The following PHACTR4 variants were observed in gnomAD, a reference collection of about 807,000 sequenced individuals.
PHACTR4 encodes phosphatase and actin regulator 4.
A neutral mutation model predicts 72.7 loss-of-function variants in PHACTR4; 51 were observed. That is an observed-to-expected ratio of 0.70 (90% CI 0.56 to 0.89). The LOEUF is 0.89. Ranked by LOEUF, PHACTR4 falls within the 40% of genes least tolerant of loss-of-function variation. PHACTR4 has a pLI of 0.00. For missense variants in PHACTR4, 731 were observed against 861.8 expected (o/e 0.85, Z 1.90); for synonymous variants, 255 against 302.5 (o/e 0.84, Z 1.63).
chr1:28,457,976 C>A (rs1380821483), intron 2 of PHACTR4: 2 of 529,258 alleles, frequency 3.8e-6, no homozygotes, highest in African/African-American at 2.1e-5. Flanking sequence ...CCTTTCTCTG[C>A]CATTAAAACT....
chr1:28,380,051 C>CTTTT (rs1227241664), intron 1 of PHACTR4, among the ~76,000 whole-genome samples: 12 of 117,318 alleles, frequency 1.0e-4, no homozygotes, highest in African/African-American at 2.3e-4. Context: ...TTAAATGTAA[C>CTTTT]TTTTTTTTTT....
intron 2 of PHACTR4, among the ~76,000 whole-genome samples, chr1:28,452,177 G>A (rs1294643173): frequency 6.6e-6 from 1 of 151,976 alleles, no homozygotes; most frequent in Non-Finnish European, 1.5e-5. Flanking sequence ...TGTATTGACA[G>A]ATTGTTTGGA....
intron 13 of PHACTR4, among the ~76,000 whole-genome samples, chr1:28,494,851 G>A (rs1453176098): frequency 6.6e-6 from 1 of 152,180 alleles, no homozygotes; most frequent in African/African-American, 2.4e-5. Flanking sequence ...CAGTTCATAA[G>A]CAGGAAATTC....
At chr1:28,478,469 G>A (rs1660061351) in intron 8 of PHACTR4, among the ~76,000 whole-genome samples, 1 of 151,966 alleles carries the variant, frequency 6.6e-6, no homozygotes, top group Non-Finnish European at 1.5e-5. Context: ...GGCTCACTCT[G>A]TCACCAGGCA....
intron 2 of PHACTR4, among the ~76,000 whole-genome samples, chr1:28,412,319 A>G (rs11247811): frequency 0.28 from 42,782 of 152,040 alleles, 6,182 homozygotes; most frequent in Middle Eastern, 0.34. Flanking sequence ...ATAGTATTCC[A>G]TGAAGAAAAC....
chr1:28,378,580 CT>C (rs1553181674), intron 1 of PHACTR4, among the ~76,000 whole-genome samples: 48 of 63,582 alleles, frequency 7.5e-4, no homozygotes, highest in South Asian at 1.9e-3. Context: ...CCCCCCCCCC[CT>C]TTTTTTTTAA....
chr1:28,435,744 G>A (rs1348408689), intron 2 of PHACTR4, among the ~76,000 whole-genome samples: 4 of 152,154 alleles, frequency 2.6e-5, no homozygotes, highest in African/African-American at 7.2e-5. Flanking sequence ...GATGATGATG[G>A]TGATAACGAT....
rs774648598 is a variant in PHACTR4 at position 28,459,169 on chromosome 1, A to G, written c.101A>G (p.Lys34Arg). 1.2e-5 allele frequency: 19 copies of G among 1,614,052 alleles called. No homozygotes were observed. The South Asian group carries it at 2.0e-4, about 17-fold the overall frequency. Residue 34 changes from lysine to arginine, a missense_variant, in exon 3 of 14, where the codon AAG (lysine) becomes AGG (arginine). Lys to Arg is a conservative substitution (Grantham distance 26). This residue lies in a region of PHACTR4 where 621 missense variants were observed against 676.6 expected (regional missense o/e 0.92). Coordinates refer to ENST00000373839, the MANE Select transcript of PHACTR4 (RefSeq NM_001048183.3). The stretch of plus-strand genomic sequence containing the variant: ...GACACAACACCTCCTACCAAAAGGA[A>G]GAGCAAGTTCTCAGGCTTTGGCAAG... ...AGDTTPPTKR[K>R]SKFSGFGKIF...
chr1:28,416,742 G>A (rs945155738), intron 2 of PHACTR4, among the ~76,000 whole-genome samples: 1 of 152,198 alleles, frequency 6.6e-6, no homozygotes, highest in African/African-American at 2.4e-5. Flanking sequence ...CTGGACAGAC[G>A]ATGATATATG....
intron 9 of PHACTR4, among the ~76,000 whole-genome samples, chr1:28,481,739 G>A (rs1485651993): frequency 6.6e-6 from 1 of 150,702 alleles, no homozygotes; most frequent in East Asian, 2.0e-4. Flanking sequence ...GCAGTGAGCT[G>A]AGATCGCGCC....
At chr1:28,376,489 CTT>C (rs200449212) in intron 1 of PHACTR4, among the ~76,000 whole-genome samples, 55,444 of 143,370 alleles carry the variant, frequency 0.39, 12,069 homozygotes, top group African/African-American at 0.6. Context: ...CTAATTTTTT[CTT>C]TTTTTTTTTT....
At chr1:28,455,162 A>G (rs1277573942) in intron 2 of PHACTR4, among the ~76,000 whole-genome samples, 3 of 135,190 alleles carry the variant, frequency 2.2e-5, no homozygotes, top group Non-Finnish European at 3.1e-5. Context: ...GAGCCACCGC[A>G]TCTGGCCTCA....
intron 9 of PHACTR4, 133 bp from the exon 10 acceptor site, chr1:28,489,037 G>C: frequency 1.7e-6 from 1 of 572,616 alleles, no homozygotes; most frequent in East Asian, 3.0e-5. Context: ...ATAAATAAAT[G>C]AAATATATCA....
chr1:28,380,082 A>G (rs1569746529), intron 1 of PHACTR4, among the ~76,000 whole-genome samples: 2 of 86,670 alleles, frequency 2.3e-5, no homozygotes, highest in Admixed American at 1.7e-4. Flanking sequence ...TTTGAGACGG[A>G]GTCTCGCTCT....
chr1:28,416,366 C>T (rs774786667), intron 2 of PHACTR4, among the ~76,000 whole-genome samples: 1 of 152,176 alleles, frequency 6.6e-6, no homozygotes, highest in Non-Finnish European at 1.5e-5. Context: ...AGTAAACACA[C>T]AATACATATC....
intron 2 of PHACTR4, chr1:28,453,619 G>A: frequency 8.1e-7 from 1 of 1,232,308 alleles, no homozygotes; most frequent in Non-Finnish European, 1.2e-6. Context: ...ACAGTGAGGT[G>A]AAACAAATAG....
chr1:28,458,726 C>T (rs1658586767), intron 2 of PHACTR4, among the ~76,000 whole-genome samples: 1 of 152,196 alleles, frequency 6.6e-6, no homozygotes, highest in Non-Finnish European at 1.5e-5. Context: ...GATTCACTCA[C>T]TAATGAGGCA....
At chr1:28,476,040 C>T (rs147890481) in intron 7 of PHACTR4, 67 bp from the exon 8 acceptor site, 1 of 1,462,696 alleles carries the variant, frequency 6.8e-7, no homozygotes, top group African/African-American at 1.4e-5. Flanking sequence ...TATTTCAGTC[C>T]TTTGTCTTAA....
chr1:28,406,557 C>T (rs964788245), intron 1 of PHACTR4, among the ~76,000 whole-genome samples: 7 of 152,110 alleles, frequency 4.6e-5, no homozygotes, highest in African/African-American at 1.7e-4. Context: ...ATTGCTAGTA[C>T]GAGTAGCCCA....
Sources: allele counts gnomAD v4.1 joint callset (sites outside exome capture counted in the v4.1 genomes callset), GRCh38; gene constraint gnomAD v4.1.1; regional missense constraint gnomAD v4.1.1; transcripts MANE v1.5; gene names NCBI Gene and HGNC (gene_info 2026-07-23, HGNC 2026-07-21).